DNHD1: variants seen among roughly 807,000 people sequenced by gnomAD.
DNHD1 encodes the protein dynein heavy chain domain 1.
DNHD1 carries 383 observed loss-of-function variants against 458.1 expected under a neutral mutation model. The ratio of observed to expected loss-of-function variants is 0.84; its 90% CI spans 0.77 to 0.91. DNHD1 has a LOEUF of 0.91. DNHD1 is among the 40% of genes least tolerant of loss of function. The probability of loss-of-function intolerance (pLI) is 0.00; values close to 1 mark genes in which losing one functional copy is unlikely to be tolerated. For missense variants in DNHD1, 5,336 were observed against 5,866.1 expected (o/e 0.91, Z 2.95); for synonymous variants, 2,203 against 2,376.9 (o/e 0.93, Z 2.13).
chr11:6,555,853 A>G (rs7122095), intron 24 of DNHD1, among the ~76,000 whole-genome samples: 11,663 of 152,166 alleles, frequency 0.077, 751 homozygotes, highest in African/African-American at 0.17. Flanking sequence ...GGTGATGAAA[A>G]TGTTCTAAAT....
chr11:6,502,696 T>G (rs1589864248), intron 3 of DNHD1, 57 bp from the exon 4 acceptor site: 2 of 1,495,546 alleles, frequency 1.3e-6, no homozygotes, highest in East Asian at 2.3e-5. Context: ...AAGGCCTCCC[T>G]CTAAGGTACT....
intron 7 of DNHD1, among the ~76,000 whole-genome samples, chr11:6,513,266 G>C (rs1852384166): frequency 6.6e-6 from 1 of 152,140 alleles, no homozygotes; most frequent in Admixed American, 6.5e-5. Context: ...CTGTAAAGTT[G>C]TTGAATTTTT....
chr11:6,533,140 A>G lies in DNHD1; in HGVS notation c.2461A>G (p.Thr821Ala). ...CACAGATTTCATGCATATCTTCCGA[A>G]CCATCAACTCAGATATTCATGCCAT... ...ELTDFMHIFR[T>A]INSDIHAIAQ... Residue 821 changes from threonine (T) to alanine (A), a missense_variant, in exon 13 of 43, where the codon ACC becomes GCC. Around this residue, in one of 4 missense-constraint regions of DNHD1, gnomAD observed 3,932 missense variants for 4,365.6 expected, o/e 0.90. Coordinates refer to ENST00000254579, the MANE Select transcript of DNHD1 (RefSeq NM_144666.3). The G allele has an allele frequency of 6.4e-7, 1 of 1,551,676 alleles. No homozygotes were observed. The highest frequency in any genetic ancestry group is 8.7e-7 in the Non-Finnish European group (1 of 1,146,984).
chr11:6,568,398 G>T, intron 37 of DNHD1, 56 bp from the exon 38 acceptor site: 1 of 1,604,190 alleles, frequency 6.2e-7, no homozygotes, highest in South Asian at 1.1e-5. Flanking sequence ...CTGATTCCTA[G>T]ACTTCTGCCT....
chr11:6,507,801 C>T (rs1473580983), intron 4 of DNHD1, among the ~76,000 whole-genome samples: 1 of 152,210 alleles, frequency 6.6e-6, no homozygotes, highest in Non-Finnish European at 1.5e-5. Flanking sequence ...GCTTTAACTT[C>T]TCTTTGTTTC....
At chr11:6,502,427 A>G (rs2723620) in intron 3 of DNHD1, among the ~76,000 whole-genome samples, 72,525 of 152,054 alleles carry the variant, frequency 0.48, 17,751 homozygotes, top group Non-Finnish European at 0.52. Flanking sequence ...AAGTCTTCCC[A>G]TTATTTGTAC....
chr11:6,543,516 G>C (rs1232919793), intron 18 of DNHD1, among the ~76,000 whole-genome samples: 1 of 122,126 alleles, frequency 8.2e-6, no homozygotes, highest in Non-Finnish European at 1.9e-5. Context: ...CTTCCATGGA[G>C]TTACGTGGAT....
intron 7 of DNHD1, among the ~76,000 whole-genome samples, chr11:6,513,202 A>C (rs1237213398): frequency 2.6e-5 from 4 of 152,214 alleles, no homozygotes; most frequent in Non-Finnish European, 5.9e-5. Flanking sequence ...TTTGAAATTC[A>C]GTAGTCAATT....
chr11:6,546,217 C>T lies in DNHD1; in HGVS notation c.5278C>T (p.His1760Tyr). 1 of 1,551,558 alleles carries T rather than the reference C, an allele frequency of 6.4e-7. No homozygotes were observed. The highest frequency in any genetic ancestry group is 8.7e-7 in the Non-Finnish European group (1 of 1,146,766). Reference sequence around the variant, plus strand: ...CCTGGGCCAGCGCCTGGGTGAACTGCACCACTTGTATGCCCCACTGTACCA... The same window carrying T: ...CCTGGGCCAGCGCCTGGGTGAACTGTACCACTTGTATGCCCCACTGTACCA... ...SALGQRLGEL[H>Y]HLYAPLYQEA... The change falls in exon 21 of 43, where the codon CAC becomes TAC. Residue 1760 changes from histidine to tyrosine, a missense_variant. By Grantham distance (83) the His-to-Tyr change is moderately conservative. Coordinates refer to ENST00000254579, the MANE Select transcript of DNHD1 (RefSeq NM_144666.3).
intron 7 of DNHD1, 52 bp from the exon 8 acceptor site, chr11:6,519,536 ACTAGTGGGTGGC>A (rs1329972326): frequency 6.3e-7 from 1 of 1,585,176 alleles, no homozygotes; most frequent in Admixed American, 1.7e-5. Flanking sequence ...GTTTGCACAG[ACTAGTGGGTGGC>A]TGGTTTGCTC....
chr11:6,528,507 C>G lies in DNHD1; in HGVS notation c.1838-15C>G, dbSNP rs1180765684. The stretch of plus-strand genomic sequence containing the variant: ...GGAGGGTACTCACGGACAATTATGG[C>G]CTGTGCTCCACTAGAAGAAGATGAA... On this transcript the variant is annotated splice_polypyrimidine_tract_variant and intron_variant, in intron 10 of 42. Transcript: ENST00000254579. 1 of 1,544,668 alleles carries G rather than the reference C, an allele frequency of 6.5e-7. No individual in the cohort carries two copies. The highest frequency in any genetic ancestry group is 8.8e-7 in the Non-Finnish European group (1 of 1,142,348).
In DNHD1 at chr11:6,567,595, G is replaced by A. The variant is rs769274569; in HGVS notation, c.12086G>A (p.Gly4029Glu). ...TCCACAGTGCTGGGTCCTGCACCTG[G>A]GCCAGGGCCTGAGCCACTCAGCCTC... ...LSSTVLGPAPGPGPEPLSLLQ... is the reference protein window; with the variant it reads ...LSSTVLGPAPEPGPEPLSLLQ... Residue 4029 changes from glycine to glutamate, a missense_variant, in exon 36 of 43, where the codon GGG (glycine) becomes GAG (glutamate). By Grantham distance (98) the Gly-to-Glu change is moderately conservative. Transcript: ENST00000254579. 3.1e-6 allele frequency: 5 copies of A among 1,613,340 alleles called. No homozygotes were observed. In the South Asian group the frequency reaches 3.3e-5, roughly 11 times the overall value.
rs1302172321 is a variant in DNHD1 at position 6,529,098 on chromosome 11, G to C, written c.2324G>C (p.Cys775Ser). Reference sequence around the variant, plus strand: ...AAAGGCGGGTTGCTGCTACTTAGCTGCCATGATGTACAGGCAGAGATGGGT... The same window carrying C: ...AAAGGCGGGTTGCTGCTACTTAGCTCCCATGATGTACAGGCAGAGATGGGT... ...LTKGGLLLLS[C>S]HDVQAEMESK... is the part of the protein sequence containing the mutation. Residue 775 changes from cysteine (C) to serine (S), a missense_variant, in exon 12 of 43, where the codon TGC becomes TCC. Coordinates refer to ENST00000254579, the MANE Select transcript of DNHD1 (RefSeq NM_144666.3). 1.3e-6 allele frequency: 2 copies of C among 1,550,138 alleles called. No individual in the cohort carries two copies. Among genetic ancestry groups the C allele is most frequent in the Middle Eastern group, 2.0e-4 (1 of 4,892 alleles).
chr11:6,515,153 T>G (rs370642238), intron 7 of DNHD1, among the ~76,000 whole-genome samples: 15 of 152,316 alleles, frequency 9.8e-5, no homozygotes, highest in Middle Eastern at 3.4e-3. Flanking sequence ...GCAATTAAGT[T>G]TCCAACACAT....
At chr11:6,512,368 C>T (rs1369349711) in intron 7 of DNHD1, among the ~76,000 whole-genome samples, 3 of 148,040 alleles carry the variant, frequency 2.0e-5, no homozygotes, top group African/African-American at 7.9e-5. Flanking sequence ...CTACAGGCAC[C>T]CACCACCATG....
In DNHD1 at chr11:6,520,016, G is replaced by A. The variant is rs777828412; in HGVS notation, c.1699G>A (p.Gly567Ser). ...LSSQLVFDDH[G>S]QLSHVPCVEN... ...ATCACAGCTGGTCTTTGATGATCAT[G>A]GTCAACTGTCTCATGTGCCCTGTGT... is the stretch of plus-strand genomic sequence containing the variant. Residue 567 changes from glycine (G) to serine (S), a missense_variant, in exon 9 of 43, where the codon GGT becomes AGT. By Grantham distance (56) the Gly-to-Ser change is moderately conservative (BLOSUM62 0). This residue lies in a region of DNHD1 where 3,932 missense variants were observed against 4,365.6 expected (regional missense o/e 0.90). Coordinates refer to ENST00000254579, the MANE Select transcript of DNHD1 (RefSeq NM_144666.3). 3.1e-6 allele frequency: 5 copies of A among 1,614,162 alleles called. No homozygotes were observed. The highest frequency in any genetic ancestry group is 4.2e-6 in the Non-Finnish European group (5 of 1,180,040).
rs185654138 is a variant in DNHD1, at chr11:6,547,937, G to A, written c.6802G>A (p.Val2268Ile). ...SKSSFLNRSQ[V>I]DSDDVPDKCR... ...AAGCAGCTTTCTAAACCGGTCCCAG[G>A]TTGACAGTGACGATGTGCCAGATAA... The change falls in exon 22 of 43, where the codon GTT becomes ATT. Residue 2268 changes from valine (V) to isoleucine (I), a missense_variant. Val to Ile is a conservative substitution (Grantham distance 29, BLOSUM62 3). This residue lies in a region of DNHD1 where 3,932 missense variants were observed against 4,365.6 expected (regional missense o/e 0.90). Transcript: ENST00000254579. The A allele has an allele frequency of 6.4e-7, 1 of 1,551,872 alleles. No homozygotes were observed. Among genetic ancestry groups the A allele is most frequent in the Non-Finnish European group, 8.7e-7 (1 of 1,147,034 alleles).
chr11:6,520,569 ACT>A, intron 10 of DNHD1: 1 of 1,252,936 alleles, frequency 8.0e-7, no homozygotes, highest in Non-Finnish European at 1.0e-6. Flanking sequence ...TTCATCCCAA[ACT>A]CTGTGAGGTT....
Position 6,538,806 on chromosome 11 carries a change from G to A in DNHD1, c.3321G>A (p.Leu1107=). 1 of 1,505,830 alleles carries A rather than the reference G, an allele frequency of 6.6e-7. No individual in the cohort carries two copies. Among genetic ancestry groups the A allele is most frequent in the Non-Finnish European group, 8.9e-7 (1 of 1,120,000 alleles). 93.3% of individuals were successfully genotyped at this position (1,505,830 alleles called of 1,614,324 possible). The change falls in exon 16 of 43, where the codon CTG becomes CTA. Residue 1107 remains leucine, a synonymous_variant. Coordinates refer to ENST00000254579, the MANE Select transcript of DNHD1 (RefSeq NM_144666.3). Reference sequence around the variant, plus strand: ...AGAGCCTCAACTGCCAGTGTCTCCTGCGTGGTATGTTTGGTTAATGTCAGA... The same window carrying A: ...AGAGCCTCAACTGCCAGTGTCTCCTACGTGGTATGTTTGGTTAATGTCAGA... The part of the protein sequence containing the change: ...HPQSLNCQCL[L]RALGLGSLQT...
Sources: gnomAD v4.1 joint callset for allele counts (sites outside exome capture counted in the v4.1 genomes callset) on GRCh38, gnomAD v4.1.1 for gene constraint, gnomAD v4.1.1 regional missense constraint, MANE v1.5 for transcripts, NCBI Gene and HGNC (gene_info 2026-07-23, HGNC 2026-07-21) for gene names.